R3HDM1: variants seen among roughly 807,000 people sequenced by gnomAD.
R3HDM1 encodes R3H domain-containing protein 1.
A neutral mutation model predicts 141.1 loss-of-function variants in R3HDM1; 46 were observed. The observed-to-expected ratio is 0.33, with a 90% CI of 0.26 to 0.42. R3HDM1 has a LOEUF of 0.42. Among genes scored for constraint, R3HDM1 ranks in the 10% least tolerant of loss-of-function variants. The probability of loss-of-function intolerance (pLI) is 1.00; values close to 1 mark genes in which losing one functional copy is unlikely to be tolerated. For synonymous variants in R3HDM1, 435 were observed against 472.9 expected (o/e 0.92, Z 1.04); for missense variants, 1,184 against 1,368.3 (o/e 0.87, Z 2.12).
chr2:135,635,429 C>T (rs908629725), intron 9 of R3HDM1, among the ~76,000 whole-genome samples: 7 of 152,130 alleles, frequency 4.6e-5, no homozygotes, highest in Admixed American at 1.3e-4. Context: ...GCCATTTGAA[C>T]CTCGGTTTGT....
At chr2:135,610,992 C>T (rs998599310) in intron 3 of R3HDM1, among the ~76,000 whole-genome samples, 1 of 151,696 alleles carries the variant, frequency 6.6e-6, no homozygotes, top group Non-Finnish European at 1.5e-5. Flanking sequence ...TACCTGTAGT[C>T]ACAGTTGTTT....
chr2:135,597,729 A>T (rs2059310747), intron 1 of R3HDM1, among the ~76,000 whole-genome samples: 1 of 152,224 alleles, frequency 6.6e-6, no homozygotes, highest in Non-Finnish European at 1.5e-5. Context: ...TTCTGTTCAG[A>T]TAACATCAAT....
intron 20 of R3HDM1, 130 bp from the exon 21 acceptor site, chr2:135,680,043 A>T: frequency 1.1e-6 from 1 of 937,894 alleles, no homozygotes; most frequent in Non-Finnish European, 1.6e-6. Context: ...TTGCACCACT[A>T]CACTCCAGCC....
intron 1 of R3HDM1, among the ~76,000 whole-genome samples, chr2:135,600,241 C>T (rs1297991516): frequency 1.3e-5 from 2 of 151,228 alleles, no homozygotes; most frequent in African/African-American, 4.9e-5. Flanking sequence ...CCACTATACC[C>T]AACAGTTTGT....
In R3HDM1 at chr2:135,649,967, G is replaced by A. The variant is rs1304366720; in HGVS notation, c.1689G>A (p.Pro563=). 2.9e-5 allele frequency: 38 copies of A among 1,293,472 alleles called. No individual in the cohort carries two copies. The highest frequency in any genetic ancestry group is 4.7e-5 in the Admixed American group (2 of 42,732). The allele number at this position is 1,293,472 out of a possible 1,614,324, so 80.1% of individuals were successfully genotyped here. A position where few individuals can be genotyped will look rare whatever the true frequency, so the allele number is the denominator to read the frequency against. The change falls in exon 17 of 27, where the codon CCG becomes CCA. Residue 563 remains proline (P), a synonymous_variant. Coordinates refer to ENST00000683871, the MANE Select transcript of R3HDM1 (RefSeq NM_001378107.1). Reference sequence around the variant, plus strand: ...ACTCTACAGCCCCTTACCCATCCCCGTTCCTGCCAGTCTCACCCACCCAGC... The same window carrying A: ...ACTCTACAGCCCCTTACCCATCCCCATTCCTGCCAGTCTCACCCACCCAGC... ...VQYSTAPYPS[P]FLPVSPTQQY...
At position 135,680,155 on chromosome 2, in the gene R3HDM1, T is replaced by C. The variant is rs1344602485; in HGVS notation, c.2308-18T>C. 1.9e-6 allele frequency: 3 copies of C among 1,607,860 alleles called. No individual in the cohort carries two copies. In the African/African-American group the frequency reaches 4.0e-5, roughly 22 times the overall value. ...TGAAAAAAACCTTTTTCTCTTGAAA[T>C]TGTCTTTCAAATTTTAGGTTTCACT... is the stretch of plus-strand genomic sequence containing the variant. On this transcript the variant is annotated intron_variant, in intron 20 of 26. Coordinates refer to ENST00000683871, the MANE Select transcript of R3HDM1 (RefSeq NM_001378107.1).
At chr2:135,548,190 GA>G (rs2104918499) in intron 1 of R3HDM1, among the ~76,000 whole-genome samples, 1 of 152,116 alleles carries the variant, frequency 6.6e-6, no homozygotes, top group East Asian at 1.9e-4. Context: ...GCTGTTAAGA[GA>G]CCTGTTGCCA....
At chr2:135,588,964 C>T (rs189437782) in intron 1 of R3HDM1, among the ~76,000 whole-genome samples, 34 of 152,056 alleles carry the variant, frequency 2.2e-4, no homozygotes, top group African/African-American at 8.0e-4. Context: ...TAGAAAGTTG[C>T]GAAAACAGTA....
intron 15 of R3HDM1, among the ~76,000 whole-genome samples, chr2:135,642,003 A>G (rs1386027215): frequency 6.6e-6 from 1 of 152,202 alleles, no homozygotes; most frequent in Non-Finnish European, 1.5e-5. Context: ...CTGTGATATC[A>G]TCTATGCCAA....
chr2:135,553,910 G>A (rs1181056459), intron 1 of R3HDM1, among the ~76,000 whole-genome samples: 4 of 152,290 alleles, frequency 2.6e-5, no homozygotes, highest in East Asian at 1.9e-4. Flanking sequence ...GGCTGGTCTC[G>A]AACTTCTGAC....
intron 1 of R3HDM1, among the ~76,000 whole-genome samples, chr2:135,572,793 T>G (rs780721126): frequency 5.3e-5 from 8 of 152,230 alleles, no homozygotes; most frequent in Non-Finnish European, 1.0e-4. Flanking sequence ...AAACAAAATG[T>G]GTATCCATGA....
At position 135,724,575 on chromosome 2, in the gene R3HDM1, T is replaced by A. The variant is rs775344597; in HGVS notation, c.*283T>A. 5.5e-4 allele frequency: 155 copies of A among 282,706 alleles called. 1 individual carries two copies. Among genetic ancestry groups the A allele is most frequent in the Middle Eastern group, 1.0e-3 (1 of 972 alleles). 17.5% of individuals were successfully genotyped at this position (282,706 alleles called of 1,614,324 possible). A position where few individuals can be genotyped will look rare whatever the true frequency, so the allele number is the denominator to read the frequency against. On this transcript the variant is annotated 3_prime_UTR_variant, in exon 27 of 27. Transcript: ENST00000683871. Reference sequence around the variant, plus strand: ...CTTTTATAGTTATTTTGTTTTATATTTCTAAATTCTTGTATCAGATCCAAA... The same window carrying A: ...CTTTTATAGTTATTTTGTTTTATATATCTAAATTCTTGTATCAGATCCAAA...
chr2:135,622,328 G>A (rs1011048632), intron 6 of R3HDM1: 32 of 984,482 alleles, frequency 3.3e-5, no homozygotes, highest in African/African-American at 8.7e-5. Flanking sequence ...TTTCACCCAC[G>A]GAGGCATTTT....
chr2:135,541,723 A>G (rs1022597909), intron 1 of R3HDM1, among the ~76,000 whole-genome samples: 11 of 152,278 alleles, frequency 7.2e-5, no homozygotes, highest in South Asian at 2.1e-4. Context: ...CAGACATAAT[A>G]ATGAAAGAGT....
At chr2:135,586,538 A>G (rs1020358633) in intron 1 of R3HDM1, 8 of 219,070 alleles carry the variant, frequency 3.7e-5, no homozygotes, top group Non-Finnish European at 5.4e-5. Flanking sequence ...CTAAATTTGT[A>G]TAGAATGTAA....
intron 7 of R3HDM1, among the ~76,000 whole-genome samples, chr2:135,626,208 C>CTT (rs56749430): frequency 0.039 from 4,065 of 103,168 alleles, 167 homozygotes; most frequent in African/African-American, 0.2. Flanking sequence ...TGCGTGCGTG[C>CTT]GTGCTTGCTT....
chr2:135,659,935 C>T (rs763403879), intron 18 of R3HDM1, among the ~76,000 whole-genome samples: 4 of 152,118 alleles, frequency 2.6e-5, no homozygotes, highest in Non-Finnish European at 5.9e-5. Flanking sequence ...TTTTTCAACT[C>T]CTTTATAATC....
intron 1 of R3HDM1, among the ~76,000 whole-genome samples, chr2:135,541,052 A>G (rs1469786778): frequency 6.6e-6 from 1 of 152,186 alleles, no homozygotes; most frequent in Non-Finnish European, 1.5e-5. Flanking sequence ...CGTAAATAGC[A>G]TATCTGTTGT....
intron 1 of R3HDM1, among the ~76,000 whole-genome samples, chr2:135,537,929 A>T (rs920703065): frequency 1.3e-5 from 2 of 152,242 alleles, no homozygotes; most frequent in East Asian, 3.9e-4. Context: ...TCGCTGCGTG[A>T]ATTATTGAAC....
Sources: allele counts gnomAD v4.1 joint callset (sites outside exome capture counted in the v4.1 genomes callset), GRCh38; gene constraint gnomAD v4.1.1; transcripts MANE v1.5; gene names NCBI Gene and HGNC (gene_info 2026-07-23, HGNC 2026-07-21).